Variants in DIS3L2 observed in about 807,000 individuals in gnomAD.
The protein encoded by DIS3L2 is DIS3 like 3'-5' exoribonuclease 2.
A neutral mutation model predicts 97.5 loss-of-function variants in DIS3L2; 34 were observed. The observed-to-expected ratio is 0.35, with a 90% confidence interval of 0.27 to 0.46. The LOEUF is 0.46. Ranked by LOEUF, DIS3L2 falls within the 20% of genes least tolerant of loss-of-function variation. The pLI, the probability that DIS3L2 is intolerant of heterozygous loss-of-function variation, is 1.00. For missense variants in DIS3L2, 1,038 were observed against 1,146.0 expected (o/e 0.91, Z 1.36); for synonymous variants, 435 against 445.2 (o/e 0.98, Z 0.29).
At position 232,103,933 on chromosome 2, in the gene DIS3L2, T is replaced by G. The variant is rs138001488; in HGVS notation, c.601+16212T>G. ...ACTGTAATGTATTAGAATAGAGCTA[T>G]ATGAAGTATTTTCAGTTGTTTAGTT... On this transcript the variant is annotated intron_variant, in intron 6 of 20. Transcript: ENST00000325385. Among the ~76,000 whole-genome samples, 14 of 152,326 alleles carry G rather than the reference T, an allele frequency of 9.2e-5. 1 individual carries two copies. Among genetic ancestry groups the G allele is most frequent in the African/African-American group, 2.6e-4 (11 of 41,576 alleles).
chr2:232,043,650 A>T (rs1695164585), intron 5 of DIS3L2, among the ~76,000 whole-genome samples: 1 of 152,218 alleles, frequency 6.6e-6, no homozygotes, highest in Non-Finnish European at 1.5e-5. Context: ...ACCCTCAGTC[A>T]TGTAATTATT....
rs115402824 is a variant in DIS3L2 at position 232,275,763 on chromosome 2, G to A, written c.1659+12323G>A. ...GTACAAGGTAATCTGCTAGGTGTCC[G>A]GGACAAAGACAAGGTTAGAACATGG... On this transcript the variant is annotated intron_variant, in intron 13 of 20. Transcript: ENST00000325385. 2.8e-3 allele frequency among the ~76,000 whole-genome samples: 431 copies of A among 152,042 alleles called. 1 individual carries two copies. Among genetic ancestry groups the A allele is most frequent in the Non-Finnish European group, 4.7e-3 (319 of 67,998 alleles).
chr2:232,264,421 T>G (rs1693801505), intron 13 of DIS3L2, among the ~76,000 whole-genome samples: 1 of 152,266 alleles, frequency 6.6e-6, no homozygotes, highest in Non-Finnish European at 1.5e-5. Flanking sequence ...CACTTAAACC[T>G]GCTTGAATTT....
rs1231488686 is a variant in DIS3L2, at chr2:232,007,198, A to T, written c.-93-7637A>T. ...AAGTTCTAGAGTAGATTAAAATAAC[A>T]TGAAGAACACACATTAAGAGGGTTA... On this transcript the variant is annotated intron_variant, in intron 1 of 20. Transcript: ENST00000325385. Among the ~76,000 whole-genome samples, 5 of 152,344 alleles carry T rather than the reference A, an allele frequency of 3.3e-5. No homozygotes were observed. The East Asian group carries it at 7.7e-4, about 23-fold the overall frequency.
intron 10 of DIS3L2, among the ~76,000 whole-genome samples, chr2:232,213,372 A>G (rs1396984762): frequency 1.3e-5 from 2 of 152,180 alleles, no homozygotes; most frequent in East Asian, 3.8e-4. Context: ...AGCAGCAGGA[A>G]AAGGACATGG....
At chr2:232,028,830 C>CT (rs1364827459) in intron 4 of DIS3L2, among the ~76,000 whole-genome samples, 2 of 152,136 alleles carry the variant, frequency 1.3e-5, no homozygotes, top group African/African-American at 4.8e-5. Flanking sequence ...AACACAGTAG[C>CT]TTTTCCTCAG....
chr2:232,046,265 T>G (rs1695241800), intron 5 of DIS3L2, among the ~76,000 whole-genome samples: 1 of 152,160 alleles, frequency 6.6e-6, no homozygotes, highest in South Asian at 2.1e-4. Flanking sequence ...TAATACATAC[T>G]TGGTGTTGGG....
At chr2:232,338,487 T>C (rs10177606), downstream of DIS3L2, among the ~76,000 whole-genome samples, 5,290 of 151,884 alleles carry the variant, frequency 0.035, 238 homozygotes, top group African/African-American at 0.12. Context: ...CCTGGAGCTG[T>C]GGAGGCCATG....
intron 5 of DIS3L2, among the ~76,000 whole-genome samples, chr2:232,042,942 T>G (rs1430369609): frequency 3.3e-5 from 5 of 152,234 alleles, no homozygotes; most frequent in Non-Finnish European, 5.9e-5. Flanking sequence ...GTCTTAGAAA[T>G]GAGGACCAAG....
chr2:232,087,918 G>C (rs1389812480), intron 6 of DIS3L2, 197 bp downstream of exon 6: 1 of 547,398 alleles, frequency 1.8e-6, no homozygotes, highest in Non-Finnish European at 3.3e-6. Context: ...TGCTTCCAGC[G>C]GTTTGTGTGG....
At position 232,275,409 on chromosome 2, in the gene DIS3L2, C is replaced by T. The variant is rs568197726; in HGVS notation, c.1659+11969C>T. The stretch of plus-strand genomic sequence containing the variant: ...TGCAGTCCTTTAGTGGGGCATCACT[C>T]GGCTAGCTCAGAGCTGTTCACAGTG... On this transcript the variant is annotated intron_variant, in intron 13 of 20. Coordinates refer to ENST00000325385, the MANE Select transcript of DIS3L2 (RefSeq NM_152383.5). Among the ~76,000 whole-genome samples, 246 of 152,304 alleles carry T rather than the reference C, an allele frequency of 1.6e-3. 1 individual carries two copies. The highest frequency in any genetic ancestry group is 2.5e-3 in the Non-Finnish European group (167 of 68,036).
chr2:232,061,523 T>A (rs1695704771), intron 5 of DIS3L2, among the ~76,000 whole-genome samples: 2 of 152,238 alleles, frequency 1.3e-5, no homozygotes, highest in Non-Finnish European at 2.9e-5. Flanking sequence ...CACGTATAGT[T>A]CTACTGCATT....
intron 6 of DIS3L2, among the ~76,000 whole-genome samples, chr2:232,127,763 G>T (rs1164720214): frequency 1.3e-5 from 2 of 152,100 alleles, no homozygotes; most frequent in Non-Finnish European, 2.9e-5. Flanking sequence ...GTCCTTGATT[G>T]TGTGAAGAAC....
intron 9 of DIS3L2, among the ~76,000 whole-genome samples, chr2:232,185,821 G>A (rs956572792): frequency 1.4e-5 from 2 of 143,198 alleles, no homozygotes; most frequent in African/African-American, 5.3e-5. Context: ...CTGCACTCCA[G>A]TCTGGGCAAC....
chr2:232,108,275 CATG>C (rs1697416814), intron 6 of DIS3L2, among the ~76,000 whole-genome samples: 1 of 152,314 alleles, frequency 6.6e-6, no homozygotes, highest in East Asian at 1.9e-4. Context: ...ACAAAAACCA[CATG>C]ATTATCTCAA....
At chr2:232,127,758 T>C (rs1698105949) in intron 6 of DIS3L2, among the ~76,000 whole-genome samples, 1 of 152,184 alleles carries the variant, frequency 6.6e-6, no homozygotes, top group African/African-American at 2.4e-5. Context: ...TTCTGGTCCT[T>C]GATTGTGTGA....
At chr2:232,142,023 CTG>C (rs1225798501) in intron 8 of DIS3L2, among the ~76,000 whole-genome samples, 2 of 152,156 alleles carry the variant, frequency 1.3e-5, no homozygotes, top group Non-Finnish European at 2.9e-5. Context: ...TGAAAAATAA[CTG>C]TATCCAATCT....
intron 14 of DIS3L2, among the ~76,000 whole-genome samples, chr2:232,309,670 G>A (rs1281157282): frequency 2.6e-5 from 4 of 152,070 alleles, no homozygotes; most frequent in Non-Finnish European, 5.9e-5. Flanking sequence ...GTTCACTGAC[G>A]GAAAGTCCTC....
intron 13 of DIS3L2, among the ~76,000 whole-genome samples, chr2:232,284,771 C>T (rs1359628315): frequency 6.6e-6 from 1 of 152,158 alleles, no homozygotes; most frequent in African/African-American, 2.4e-5. Flanking sequence ...CTCATCTACA[C>T]CATGCAGGCC....
Sources: gnomAD v4.1 joint callset for allele counts (sites outside exome capture counted in the v4.1 genomes callset) on GRCh38, gnomAD v4.1.1 for gene constraint, MANE v1.5 for transcripts, NCBI Gene and HGNC (gene_info 2026-07-23, HGNC 2026-07-21) for gene names.